GLIS3: variants seen among roughly 807,000 people sequenced by gnomAD.
The protein encoded by GLIS3 is zinc finger protein GLIS3.
In GLIS3, 53 loss-of-function variants were observed where a neutral mutation model predicts 78.6. That is an observed-to-expected ratio of 0.67 (90% CI 0.54 to 0.85). The LOEUF is 0.85. Among genes scored for constraint, GLIS3 ranks in the 40% least tolerant of loss-of-function variants. The pLI is 0.00. For synonymous variants in GLIS3, 684 were observed against 509.9 expected (o/e 1.34, Z -4.60); for missense variants, 1,703 against 1,231.1 (o/e 1.38, Z -5.74).
chr9:3,920,319 A>C (rs1824801044), intron 6 of GLIS3, among the ~76,000 whole-genome samples: 1 of 152,182 alleles, frequency 6.6e-6, no homozygotes, highest in African/African-American at 2.4e-5. Context: ...GACTGTTTTA[A>C]ATATCAAATC....
intron 2 of GLIS3, among the ~76,000 whole-genome samples, chr9:4,238,787 T>C (rs1183180781): frequency 6.6e-6 from 1 of 152,192 alleles, no homozygotes; most frequent in Non-Finnish European, 1.5e-5. Flanking sequence ...TCAGCACTAA[T>C]GTCCCAAAGC....
intron 2 of GLIS3, among the ~76,000 whole-genome samples, chr9:4,189,916 C>G (rs890761926): frequency 6.6e-6 from 1 of 152,006 alleles, no homozygotes; most frequent in African/African-American, 2.4e-5. Context: ...GATACCCAGG[C>G]AAACAGCGTC....
the GLIS3 span, among the ~76,000 whole-genome samples, chr9:4,449,883 TG>T: frequency 5.4e-3 from 827 of 152,212 alleles, 8 homozygotes; most frequent in African/African-American, 0.019. Flanking sequence ...ACCACAAAGA[TG>T]GGGAGAAACT....
intron 2 of GLIS3, among the ~76,000 whole-genome samples, chr9:4,222,701 C>G (rs1294118772): frequency 6.6e-6 from 1 of 152,156 alleles, no homozygotes; most frequent in Non-Finnish European, 1.5e-5. Context: ...AAAACATCAC[C>G]CAGACTAGAT....
At chr9:4,331,165 C>T (rs990154224) in intron 2 of GLIS3, among the ~76,000 whole-genome samples, 17 of 152,108 alleles carry the variant, frequency 1.1e-4, no homozygotes, top group African/African-American at 3.6e-4. Context: ...GCCCACACTC[C>T]CCCTGAAAGC....
intron 1 of GLIS3, among the ~76,000 whole-genome samples, chr9:4,295,672 G>A (rs1291319476): frequency 6.6e-6 from 1 of 152,154 alleles, no homozygotes; most frequent in Non-Finnish European, 1.5e-5. Flanking sequence ...TGTTGATAAT[G>A]CTCTGTTTCT....
chr9:4,223,617 T>C (rs1821517859), intron 2 of GLIS3, among the ~76,000 whole-genome samples: 1 of 152,180 alleles, frequency 6.6e-6, no homozygotes, highest in Non-Finnish European at 1.5e-5. Flanking sequence ...GAACAACCAC[T>C]ACTCACATTC....
At chr9:4,353,007 C>T (rs538490148), upstream of GLIS3, among the ~76,000 whole-genome samples, 5 of 152,048 alleles carry the variant, frequency 3.3e-5, no homozygotes, top group Non-Finnish European at 7.4e-5. Context: ...TTTTTTGGCT[C>T]ATTGGTTTGG....
At chr9:3,947,289 A>G (rs904474231) in intron 4 of GLIS3, among the ~76,000 whole-genome samples, 1 of 152,228 alleles carries the variant, frequency 6.6e-6, no homozygotes, top group Admixed American at 6.5e-5. Flanking sequence ...ACTAAGCAAT[A>G]TATTTATTTA....
At chr9:4,238,069 G>T (rs777907106) in intron 2 of GLIS3, among the ~76,000 whole-genome samples, 1 of 152,156 alleles carries the variant, frequency 6.6e-6, no homozygotes. Flanking sequence ...ACCCTGTCCT[G>T]CTTCTATACC....
intron 4 of GLIS3, among the ~76,000 whole-genome samples, chr9:4,085,455 G>A (rs1828939811): frequency 6.6e-6 from 1 of 151,922 alleles, no homozygotes. Flanking sequence ...GATGGCCACT[G>A]CCACCCTCTC....
At chr9:4,442,400 G>T in the GLIS3 span, among the ~76,000 whole-genome samples, 1 of 151,578 alleles carries the variant, frequency 6.6e-6, no homozygotes, top group Non-Finnish European at 1.5e-5. Flanking sequence ...AAGTTCTCTG[G>T]CTTCTCTTCC....
chr9:4,396,762 G>A, the GLIS3 span, among the ~76,000 whole-genome samples: 3 of 152,076 alleles, frequency 2.0e-5, no homozygotes, highest in African/African-American at 7.2e-5. Context: ...GACATACCTC[G>A]TTAGTCCTTT....
At chr9:4,180,837 C>T (rs1279768888) in intron 2 of GLIS3, among the ~76,000 whole-genome samples, 1 of 152,142 alleles carries the variant, frequency 6.6e-6, no homozygotes, top group East Asian at 1.9e-4. Context: ...AATAAAATCT[C>T]AAACTGGTTT....
the GLIS3 span, among the ~76,000 whole-genome samples, chr9:4,490,207 C>A: frequency 0.076 from 11,649 of 152,338 alleles, 1,524 homozygotes; most frequent in African/African-American, 0.27. Context: ...TAACCCAAAG[C>A]CCTAGCATGA....
the GLIS3 span, among the ~76,000 whole-genome samples, chr9:4,474,985 A>ATT: frequency 0.024 from 2,685 of 114,152 alleles, 323 homozygotes; most frequent in African/African-American, 0.078. Context: ...GACTATGTTA[A>ATT]TTTTTTTTTC....
At chr9:4,154,894 TAAAC>T (rs1834938930) in intron 2 of GLIS3, among the ~76,000 whole-genome samples, 1 of 152,184 alleles carries the variant, frequency 6.6e-6, no homozygotes, top group Non-Finnish European at 1.5e-5. Flanking sequence ...CAAACTTGAC[TAAAC>T]AAATTATAGT....
At chr9:3,865,279 G>A (rs962514437) in intron 8 of GLIS3, among the ~76,000 whole-genome samples, 17 of 152,114 alleles carry the variant, frequency 1.1e-4, no homozygotes, top group African/African-American at 1.9e-4. Flanking sequence ...AGTTCTTCAC[G>A]TGCAGAAAGA....
chr9:4,403,973 C>A, the GLIS3 span, among the ~76,000 whole-genome samples: 5 of 151,994 alleles, frequency 3.3e-5, no homozygotes, highest in African/African-American at 7.3e-5. Context: ...CTGTTGCCTA[C>A]AAGAAATATA....
Sources: allele counts gnomAD v4.1 joint callset (sites outside exome capture counted in the v4.1 genomes callset), GRCh38; gene constraint gnomAD v4.1.1; transcripts MANE v1.5; gene names NCBI Gene and HGNC (gene_info 2026-07-23, HGNC 2026-07-21).